Variants in GPR158 observed in about 807,000 individuals in gnomAD.
GPR158 encodes the protein G protein-coupled receptor 158, also known as metabotropic glycine receptor.
GPR158 carries 30 observed loss-of-function variants against 78.2 expected under a neutral mutation model. That is an observed-to-expected ratio of 0.38 (90% CI 0.29 to 0.52). The LOEUF is 0.52. Among genes scored for constraint, GPR158 ranks in the 20% least tolerant of loss-of-function variants. GPR158 has a pLI of 0.83. For missense variants in GPR158, 1,463 were observed against 1,523.5 expected, an observed-to-expected ratio of 0.96 and a Z score of 0.66; for synonymous variants, 581 against 591.1, an observed-to-expected ratio of 0.98 and a Z score of 0.25.
intron 2 of GPR158, among the ~76,000 whole-genome samples, chr10:25,369,584 G>T (rs1403734903): frequency 1.3e-5 from 2 of 151,250 alleles, no homozygotes; most frequent in South Asian, 2.1e-4. Flanking sequence ...ATTTTATTGA[G>T]GATTTTTGCA....
chr10:25,591,124 A>T (rs979198565), intron 8 of GPR158, among the ~76,000 whole-genome samples: 1 of 152,120 alleles, frequency 6.6e-6, no homozygotes, highest in Non-Finnish European at 1.5e-5. Flanking sequence ...ACCTTAGTAT[A>T]TCACTTTTAG....
chr10:25,175,867 C>G lies in GPR158; in HGVS notation c.447C>G (p.Asn149Lys), dbSNP rs769645516. Residue 149 changes from asparagine (N) to lysine (K), a missense_variant, in exon 1 of 11, where the codon AAC (asparagine) becomes AAG (lysine). Asn to Lys is a moderately conservative substitution (Grantham distance 94). Coordinates refer to ENST00000376351, the MANE Select transcript of GPR158 (RefSeq NM_020752.3). The surrounding 1 kb of genome is among the most constrained non-coding windows in gnomAD (Gnocchi z 6.4). ...MLQSNKSREQ[N>K]LQDDLDWYQA... is the part of the protein sequence containing the mutation. Reference sequence around the variant, plus strand: ...AGAGCAATAAGTCGCGGGAGCAGAACTTGCAGGACGACCTGGATTGGTACC... The same window carrying G: ...AGAGCAATAAGTCGCGGGAGCAGAAGTTGCAGGACGACCTGGATTGGTACC... 2.5e-6 allele frequency: 4 copies of G among 1,613,872 alleles called. No individual in the cohort carries two copies. The highest frequency in any genetic ancestry group is 3.4e-6 in the Non-Finnish European group (4 of 1,179,996).
Position 25,597,494 on chromosome 10 carries a change from A to G in GPR158, c.2146-278A>G, listed in dbSNP as rs1005019110. Among the ~76,000 whole-genome samples the G allele has an allele frequency of 3.9e-5, 6 of 152,222 alleles. No individual in the cohort carries two copies. In the South Asian group the frequency reaches 1.2e-3, roughly 31 times the overall value. On this transcript the variant is annotated intron_variant, in intron 10 of 10. Transcript: ENST00000376351. ...AAACACAAAAGAATCAGAAAATACAAATCAGAAAAGTACAAATCAGAAGGT... is the reference window on the plus strand; with the variant it reads ...AAACACAAAAGAATCAGAAAATACAGATCAGAAAAGTACAAATCAGAAGGT...
chr10:25,581,615 TAATA>T (rs1224400585), intron 7 of GPR158, among the ~76,000 whole-genome samples: 1 of 152,094 alleles, frequency 6.6e-6, no homozygotes, highest in African/African-American at 2.4e-5. Context: ...AGAATGTAAA[TAATA>T]AATAAATAAC....
At chr10:25,514,285 G>T (rs1251637028) in intron 5 of GPR158, among the ~76,000 whole-genome samples, 1 of 151,980 alleles carries the variant, frequency 6.6e-6, no homozygotes, top group African/African-American at 2.4e-5. Flanking sequence ...AACTGCTGTT[G>T]TTTTAAAGTT....
chr10:25,478,141 A>G (rs1835614283), intron 5 of GPR158, among the ~76,000 whole-genome samples: 1 of 152,178 alleles, frequency 6.6e-6, no homozygotes, highest in Non-Finnish European at 1.5e-5. Flanking sequence ...TCAGTGATGT[A>G]TGAGGAACTA....
At chr10:25,522,264 T>C (rs1836287374) in intron 5 of GPR158, among the ~76,000 whole-genome samples, 1 of 152,228 alleles carries the variant, frequency 6.6e-6, no homozygotes, top group Non-Finnish European at 1.5e-5. Flanking sequence ...ATCCACGTTT[T>C]CAGCTAGTTC....
chr10:25,299,048 T>G (rs1416301517), intron 2 of GPR158, among the ~76,000 whole-genome samples: 1 of 152,236 alleles, frequency 6.6e-6, no homozygotes, highest in Non-Finnish European at 1.5e-5. Context: ...AACATTTCTT[T>G]TAAATTTATT....
At chr10:25,366,825 T>G (rs1017740764) in intron 2 of GPR158, among the ~76,000 whole-genome samples, 1 of 122,518 alleles carries the variant, frequency 8.2e-6, no homozygotes, top group African/African-American at 2.9e-5. Context: ...TTTTTGATGA[T>G]TATGAGGTTG....
At chr10:25,199,104 C>T (rs757075612) in intron 1 of GPR158, among the ~76,000 whole-genome samples, 1 of 151,218 alleles carries the variant, frequency 6.6e-6, no homozygotes, top group Non-Finnish European at 1.5e-5. Context: ...TGGTAGAGAT[C>T]CACTTTGGGC....
intron 6 of GPR158, among the ~76,000 whole-genome samples, chr10:25,567,796 A>G (rs1488802365): frequency 1.3e-5 from 2 of 152,184 alleles, no homozygotes; most frequent in Non-Finnish European, 1.5e-5. Context: ...CAATACGATC[A>G]GATGCACAAT....
intron 2 of GPR158, among the ~76,000 whole-genome samples, chr10:25,296,339 G>A (rs533216333): frequency 4.6e-5 from 7 of 152,080 alleles, no homozygotes; most frequent in Admixed American, 1.3e-4. Context: ...ACAGGTGCAG[G>A]TGCATCACCT....
chr10:25,186,588 T>C (rs1852689429), intron 1 of GPR158, among the ~76,000 whole-genome samples: 1 of 152,132 alleles, frequency 6.6e-6, no homozygotes, highest in Admixed American at 6.5e-5. Flanking sequence ...GAGAATATTA[T>C]AAACACCTCT....
At chr10:25,281,209 T>A (rs1854267486) in intron 2 of GPR158, among the ~76,000 whole-genome samples, 1 of 149,706 alleles carries the variant, frequency 6.7e-6, no homozygotes, top group African/African-American at 2.5e-5. Context: ...TAGGTTAAAT[T>A]AAATGACCTG....
intron 2 of GPR158, among the ~76,000 whole-genome samples, chr10:25,371,544 T>C (rs1264843111): frequency 2.0e-5 from 3 of 149,738 alleles, no homozygotes; most frequent in Non-Finnish European, 4.5e-5. Context: ...CCCTCAGAAA[T>C]AATGCCACAT....
intron 5 of GPR158, among the ~76,000 whole-genome samples, chr10:25,540,350 A>G (rs4604775): frequency 0.3 from 45,237 of 152,060 alleles, 8,096 homozygotes; most frequent in Non-Finnish European, 0.41. Flanking sequence ...TGGTGGGACT[A>G]TAAACTAGTT....
intron 7 of GPR158, among the ~76,000 whole-genome samples, chr10:25,580,741 T>A (rs1025236468): frequency 4.6e-5 from 7 of 152,050 alleles, no homozygotes; most frequent in African/African-American, 1.7e-4. Flanking sequence ...TTTAAAAAAA[T>A]TTGAGTCATG....
rs116629149 is a variant in GPR158, at chr10:25,207,351, C to A, written c.903-13701C>A. Among the ~76,000 whole-genome samples the A allele has an allele frequency of 9.4e-3, 1,433 of 152,130 alleles. 16 individuals carry two copies. Among genetic ancestry groups the A allele is most frequent in the South Asian group, 0.038 (183 of 4,812 alleles). ...TTGCTGTGACTCTATTAATCTGTTTCCCCCCTTTTTAAACTGAATCATAAG... is the reference window on the plus strand; with the variant it reads ...TTGCTGTGACTCTATTAATCTGTTTACCCCCTTTTTAAACTGAATCATAAG... On this transcript the variant is annotated intron_variant, in intron 1 of 10. Coordinates refer to ENST00000376351, the MANE Select transcript of GPR158 (RefSeq NM_020752.3).
chr10:25,328,953 T>G (rs1194723517), intron 2 of GPR158, among the ~76,000 whole-genome samples: 1 of 137,036 alleles, frequency 7.3e-6, no homozygotes, highest in Non-Finnish European at 1.6e-5. Context: ...AAAAAAGAAT[T>G]ACTAAAGAAA....
Sources: gnomAD v4.1 joint callset for allele counts (sites outside exome capture counted in the v4.1 genomes callset) on GRCh38, gnomAD v4.1.1 for gene constraint, Gnocchi (gnomAD v3.1) non-coding constraint, MANE v1.5 for transcripts, NCBI Gene and HGNC (gene_info 2026-07-23, HGNC 2026-07-21) for gene names.